Variants in TNIK observed in about 807,000 individuals in gnomAD.
TNIK encodes the protein TRAF2 and NCK interacting kinase.
Under a neutral mutation model 191.3 loss-of-function variants are expected in TNIK, and 49 were observed. The observed-to-expected ratio is 0.26, with a 90% CI of 0.20 to 0.32. The LOEUF is 0.32. Ranked by LOEUF, TNIK falls within the 10% of genes least tolerant of loss-of-function variation. The probability of loss-of-function intolerance (pLI) is 1.00; values close to 1 mark genes in which losing one functional copy is unlikely to be tolerated. For missense variants in TNIK, 1,155 were observed against 1,702.3 expected (o/e 0.68, Z 5.66); for synonymous variants, 594 against 600.9 (o/e 0.99, Z 0.17).
chr3:171,246,625 A>C (rs893615602), intron 2 of TNIK, among the ~76,000 whole-genome samples: 1 of 152,364 alleles, frequency 6.6e-6, no homozygotes, highest in East Asian at 1.9e-4. Flanking sequence ...AGCAAACAAA[A>C]AAAATATTTC....
intron 1 of TNIK, among the ~76,000 whole-genome samples, chr3:171,378,194 T>C (rs1033236565): frequency 2.0e-5 from 3 of 152,222 alleles, no homozygotes; most frequent in African/African-American, 7.2e-5. Flanking sequence ...CTTTTTTTCC[T>C]ACTTTGCCAT....
intron 27 of TNIK, among the ~76,000 whole-genome samples, chr3:171,080,292 T>TA (rs1454878790): frequency 2.6e-5 from 4 of 152,234 alleles, no homozygotes; most frequent in African/African-American, 9.6e-5. Flanking sequence ...CAAAACTTGA[T>TA]ATACTCCATT....
At chr3:171,090,018 C>T (rs1047237838) in intron 23 of TNIK, among the ~76,000 whole-genome samples, 2 of 152,100 alleles carry the variant, frequency 1.3e-5, no homozygotes, top group Non-Finnish European at 1.5e-5. Context: ...CAAGAGGGAC[C>T]AGATTCCCAC....
chr3:171,333,075 T>C (rs1756566551), intron 2 of TNIK, among the ~76,000 whole-genome samples: 1 of 152,168 alleles, frequency 6.6e-6, no homozygotes, highest in South Asian at 2.1e-4. Flanking sequence ...CCACAACTCT[T>C]AGGGAAGAGG....
At chr3:171,324,096 G>C (rs966726311) in intron 2 of TNIK, among the ~76,000 whole-genome samples, 3 of 151,828 alleles carry the variant, frequency 2.0e-5, no homozygotes, top group Non-Finnish European at 4.4e-5. Flanking sequence ...GCTACTGGCA[G>C]TGACAGCTGG....
At chr3:171,358,045 G>A (rs935014576) in intron 2 of TNIK, among the ~76,000 whole-genome samples, 8 of 152,076 alleles carry the variant, frequency 5.3e-5, no homozygotes, top group African/African-American at 1.4e-4. Flanking sequence ...GGCTCCATGA[G>A]GTAGATCCTA....
At chr3:171,281,880 G>C (rs1750464421) in intron 2 of TNIK, among the ~76,000 whole-genome samples, 1 of 152,216 alleles carries the variant, frequency 6.6e-6, no homozygotes, top group Admixed American at 6.5e-5. Context: ...AGCCCAGTCT[G>C]GCTGATGCCT....
intron 8 of TNIK, among the ~76,000 whole-genome samples, chr3:171,176,044 A>C (rs1181722718): frequency 6.6e-6 from 1 of 152,174 alleles, no homozygotes; most frequent in Non-Finnish European, 1.5e-5. Context: ...ATTTTAATAA[A>C]ATATTTTATT....
At chr3:171,367,752 G>A (rs1715941698) in intron 2 of TNIK, among the ~76,000 whole-genome samples, 1 of 152,118 alleles carries the variant, frequency 6.6e-6, no homozygotes, top group African/African-American at 2.4e-5. Context: ...TTACAGGCGT[G>A]AGCCACCGCA....
chr3:171,288,925 A>G (rs1751365868), intron 2 of TNIK, among the ~76,000 whole-genome samples: 1 of 145,120 alleles, frequency 6.9e-6, no homozygotes, highest in Non-Finnish European at 1.6e-5. Flanking sequence ...AATCTTTTTG[A>G]AAAAAAACAT....
chr3:171,106,136 A>G (rs1427706250), intron 21 of TNIK, among the ~76,000 whole-genome samples: 1 of 152,192 alleles, frequency 6.6e-6, no homozygotes, highest in Admixed American at 6.6e-5. Flanking sequence ...GACCAGATAC[A>G]TGGAAACATG....
At chr3:171,433,990 G>A (rs559834200) in intron 1 of TNIK, among the ~76,000 whole-genome samples, 2 of 132,774 alleles carry the variant, frequency 1.5e-5, no homozygotes, top group East Asian at 2.6e-4. Context: ...CTGACACCCA[G>A]GCTGGAGTGC....
chr3:171,124,580 G>A (rs1441611806), intron 17 of TNIK, among the ~76,000 whole-genome samples: 2 of 152,176 alleles, frequency 1.3e-5, no homozygotes, highest in African/African-American at 4.8e-5. Flanking sequence ...ATTACTTTCA[G>A]TGTAAAGTGT....
In TNIK at chr3:171,059,060, C is replaced by T. The variant is rs191794181; in HGVS notation, c.*4821G>A. Among the ~76,000 whole-genome samples, 25 of 152,294 alleles carry T rather than the reference C, an allele frequency of 1.6e-4. No individual in the cohort carries two copies. Among genetic ancestry groups the T allele is most frequent in the Non-Finnish European group, 2.6e-4 (18 of 68,010 alleles). ...TGATCCATTGCCAGAAATGAAAACT[C>T]ACCTTTCCACCAGCATTTGCTCAGC... On this transcript the variant is annotated 3_prime_UTR_variant, in exon 33 of 33. Transcript: ENST00000436636.
intron 16 of TNIK, among the ~76,000 whole-genome samples, chr3:171,126,410 A>G (rs1728488578): frequency 6.6e-6 from 1 of 152,164 alleles, no homozygotes; most frequent in African/African-American, 2.4e-5. Context: ...TAATAACAAT[A>G]ACTACTGTAT....
At chr3:171,287,836 A>G (rs1279343583) in intron 2 of TNIK, among the ~76,000 whole-genome samples, 1 of 152,156 alleles carries the variant, frequency 6.6e-6, no homozygotes, top group Non-Finnish European at 1.5e-5. Flanking sequence ...AGTCATTTCA[A>G]AACAGGATGC....
At position 171,460,141 on chromosome 3, in the gene TNIK, A is replaced by G; in HGVS notation, c.-78T>C. 6.5e-7 allele frequency: 1 copy of G among 1,534,908 alleles called. No individual in the cohort carries two copies. Among genetic ancestry groups the G allele is most frequent in the Non-Finnish European group, 8.8e-7 (1 of 1,134,360 alleles). On this transcript the variant is annotated 5_prime_UTR_variant, in exon 1 of 33. Transcript: ENST00000436636. This position sits in a 1 kb window ranked among gnomAD's most constrained non-coding sequence, Gnocchi z 6.8. ...TGGAAATTCCACCTTGGTCTATTTC[A>G]CTCGCGTCCTCATGCGGGTGTCGCG...
intron 3 of TNIK, among the ~76,000 whole-genome samples, chr3:171,217,765 C>T (rs1480350523): frequency 6.6e-6 from 1 of 152,030 alleles, no homozygotes; most frequent in Non-Finnish European, 1.5e-5. Context: ...TATGTGGTAG[C>T]TGATCTAATT....
intron 2 of TNIK, among the ~76,000 whole-genome samples, chr3:171,352,250 TC>T (rs1421841461): frequency 2.0e-5 from 3 of 152,126 alleles, no homozygotes; most frequent in Admixed American, 2.0e-4. Flanking sequence ...TCCAGGGTGA[TC>T]CATAAAATTT....
Sources: gnomAD v4.1 joint callset for allele counts (sites outside exome capture counted in the v4.1 genomes callset) on GRCh38, gnomAD v4.1.1 for gene constraint, Gnocchi (gnomAD v3.1) non-coding constraint, MANE v1.5 for transcripts, NCBI Gene and HGNC (gene_info 2026-07-23, HGNC 2026-07-21) for gene names.